The following KPNA5 variants were observed in gnomAD, a reference collection of about 807,000 sequenced individuals.
KPNA5 encodes importin subunit alpha-6.
KPNA5 carries 46 observed loss-of-function variants against 71.3 expected under a neutral mutation model. The ratio of observed to expected loss-of-function variants is 0.65; its 90% CI spans 0.51 to 0.83. The LOEUF (loss-of-function observed/expected upper bound fraction) is 0.83, where lower values mean the gene tolerates loss of function less well. KPNA5 is among the 40% of genes least tolerant of loss of function. The probability of loss-of-function intolerance (pLI) is 0.00; values close to 1 mark genes in which losing one functional copy is unlikely to be tolerated. For missense variants in KPNA5, 547 were observed against 628.3 expected, an observed-to-expected ratio of 0.87 and a Z score of 1.38; for synonymous variants, 207 against 201.4, an observed-to-expected ratio of 1.03 and a Z score of -0.24.
chr6:116,702,618 G>A (rs1240836222), intron 6 of KPNA5, among the ~76,000 whole-genome samples: 1 of 152,232 alleles, frequency 6.6e-6, no homozygotes, highest in Middle Eastern at 3.4e-3. Flanking sequence ...GCAGAGAGCC[G>A]AGATCATGCC....
chr6:116,686,095 G>T (rs1358260093), intron 1 of KPNA5, among the ~76,000 whole-genome samples: 1 of 151,934 alleles, frequency 6.6e-6, no homozygotes, highest in Non-Finnish European at 1.5e-5. Flanking sequence ...TGTTGAGACA[G>T]GGTCTCATTG....
In KPNA5 at chr6:116,694,582, G is replaced by T. The variant is rs369969122; in HGVS notation, c.340+2190G>T. Among the ~76,000 whole-genome samples, 33 of 152,242 alleles carry T rather than the reference G, an allele frequency of 2.2e-4. No individual in the cohort carries two copies. In the East Asian group the frequency reaches 6.4e-3, roughly 29 times the overall value. On this transcript the variant is annotated intron_variant, in intron 4 of 13. Coordinates refer to ENST00000368564, the MANE Select transcript of KPNA5 (RefSeq NM_001366306.2). The stretch of plus-strand genomic sequence containing the variant: ...AGAATGCTTGTGATTTTTGCACATT[G>T]ATTTTGTATCCTGAGAGTTTGCTGA...
intron 8 of KPNA5, among the ~76,000 whole-genome samples, chr6:116,721,231 A>C (rs888730835): frequency 2.0e-5 from 3 of 152,232 alleles, no homozygotes; most frequent in African/African-American, 7.2e-5. Flanking sequence ...ATAGGGGTAA[A>C]GAGAAAAGTC....
At position 116,692,103 on chromosome 6, in the gene KPNA5, C is replaced by T; in HGVS notation, c.187C>T (p.Leu63Phe). The change falls in exon 3 of 14, where the codon CTT (leucine) becomes TTT (phenylalanine). Residue 63 changes from leucine to phenylalanine, a missense_variant. By Grantham distance (22) the Leu-to-Phe change is conservative (BLOSUM62 0). Coordinates refer to ENST00000368564, the MANE Select transcript of KPNA5 (RefSeq NM_001366306.2). ...TTTGCCCAGAAATGATGAATCTATGCTTGAAAGTCCTATACAGGATCCAGA... is the reference window on the plus strand; with the variant it reads ...TTTGCCCAGAAATGATGAATCTATGTTTGAAAGTCCTATACAGGATCCAGA... Reference protein sequence around the residue: ...VYLPRNDESMLESPIQDPDIS... With the variant: ...VYLPRNDESMFESPIQDPDIS... 6.2e-7 allele frequency: 1 copy of T among 1,612,978 alleles called. No homozygotes were observed. The highest frequency in any genetic ancestry group is 1.1e-5 in the South Asian group (1 of 91,012).
intron 2 of KPNA5, among the ~76,000 whole-genome samples, chr6:116,691,003 C>T (rs949548639): frequency 6.6e-6 from 1 of 152,086 alleles, no homozygotes; most frequent in Non-Finnish European, 1.5e-5. Flanking sequence ...CCTAGGTGGG[C>T]GGGTCACCTG....
intron 6 of KPNA5, among the ~76,000 whole-genome samples, chr6:116,704,020 C>T (rs1778337946): frequency 6.6e-6 from 1 of 151,828 alleles, no homozygotes; most frequent in African/African-American, 2.4e-5. Flanking sequence ...CAGCATGTTA[C>T]TGTACTAAAT....
intron 1 of KPNA5, among the ~76,000 whole-genome samples, chr6:116,687,704 C>A (rs1476262258): frequency 6.6e-6 from 1 of 152,138 alleles, no homozygotes; most frequent in Non-Finnish European, 1.5e-5. Flanking sequence ...GAGTCATCCT[C>A]AACTCCCTTT....
rs1011098846 is a variant in KPNA5 at position 116,739,918 on chromosome 6, A to G, written c.*7595A>G. 13 of 152,066 alleles carry G rather than the reference A, an allele frequency of 8.5e-5. No homozygotes were observed. The highest frequency in any genetic ancestry group is 2.9e-4 in the African/African-American group (12 of 41,400). The allele number at this position is 152,066 out of a possible 1,614,324, so 9.4% of individuals were successfully genotyped here. ...CCTAGAAGAAAACCTAGGCATTACC[A>G]TTCAGGACATAGGGATGGGCAAGGA... is the stretch of plus-strand genomic sequence containing the variant. On this transcript the variant is annotated 3_prime_UTR_variant, in exon 14 of 14. Coordinates refer to ENST00000368564, the MANE Select transcript of KPNA5 (RefSeq NM_001366306.2).
At chr6:116,709,653 G>A (rs1484078015) in intron 7 of KPNA5, among the ~76,000 whole-genome samples, 1 of 152,122 alleles carries the variant, frequency 6.6e-6, no homozygotes, top group Admixed American at 6.5e-5. Flanking sequence ...AAAAATGAGT[G>A]TCTTTGTCTT....
At chr6:116,682,515 G>T (rs1285695594) in intron 1 of KPNA5, among the ~76,000 whole-genome samples, 1 of 152,136 alleles carries the variant, frequency 6.6e-6, no homozygotes, top group African/African-American at 2.4e-5. Context: ...CCTAAGTACT[G>T]CTTGTTTGGT....
chr6:116,709,422 T>A (rs1398564120), intron 7 of KPNA5, among the ~76,000 whole-genome samples: 1 of 152,152 alleles, frequency 6.6e-6, no homozygotes, highest in African/African-American at 2.4e-5. Context: ...GGTCTTGAAG[T>A]CGAATTTGAG....
chr6:116,698,658 T>G (rs1778116438), intron 4 of KPNA5, 46 bp from the exon 5 acceptor site: 9 of 1,166,444 alleles, frequency 7.7e-6, no homozygotes. Flanking sequence ...CTAGATTGTT[T>G]TCTTTTTGTG....
chr6:116,699,510 G>A (rs1243815138), intron 5 of KPNA5, among the ~76,000 whole-genome samples: 1 of 152,130 alleles, frequency 6.6e-6, no homozygotes, highest in Admixed American at 6.6e-5. Context: ...TACTTGTTAC[G>A]TGTTGAATTT....
rs764218488 is a variant in KPNA5 at position 116,702,157 on chromosome 6, C to CTCTAA, written c.567+9_567+13dup. On this transcript the variant is annotated splice_region_variant and intron_variant, in intron 6 of 13. Transcript: ENST00000368564. Reference sequence around the variant, plus strand: ...TGAAGATGTTCAGGAACAGGTACGTCTCTAATTTGTATTGTTGTATGTACT... The same window carrying CTCTAA: ...TGAAGATGTTCAGGAACAGGTACGTCTCTAATCTAATTTGTATTGTTGTATGTACT... The CTCTAA allele has an allele frequency of 4.3e-5, 70 of 1,611,256 alleles. No individual in the cohort carries two copies. In the African/African-American group the frequency reaches 8.6e-4, roughly 20 times the overall value.
At chr6:116,722,371 C>G in intron 9 of KPNA5, 82 bp downstream of exon 9, 1 of 1,081,788 alleles carries the variant, frequency 9.2e-7, no homozygotes, top group Non-Finnish European at 1.3e-6. Flanking sequence ...GTAAATATCT[C>G]AAGAGTCACT....
intron 9 of KPNA5, among the ~76,000 whole-genome samples, chr6:116,723,041 T>C (rs1779171475): frequency 6.6e-6 from 1 of 152,090 alleles, no homozygotes; most frequent in South Asian, 2.1e-4. Context: ...GGGCCCCAAC[T>C]TGATAATGAC....
At chr6:116,719,007 C>T (rs951129106) in intron 8 of KPNA5, among the ~76,000 whole-genome samples, 12 of 152,070 alleles carry the variant, frequency 7.9e-5, no homozygotes, top group Non-Finnish European at 1.5e-4. Context: ...GCTCAAGCTC[C>T]CGACCTCAGG....
At chr6:116,728,911 G>A (rs934425455) in intron 12 of KPNA5, among the ~76,000 whole-genome samples, 1 of 151,944 alleles carries the variant, frequency 6.6e-6, no homozygotes, top group Non-Finnish European at 1.5e-5. Context: ...TTACATTATA[G>A]AGTACAGAAA....
At chr6:116,720,719 C>T (rs1779073265) in intron 8 of KPNA5, among the ~76,000 whole-genome samples, 1 of 152,082 alleles carries the variant, frequency 6.6e-6, no homozygotes, top group South Asian at 2.1e-4. Flanking sequence ...TGGCTCACAC[C>T]TATGATCCCA....
Sources: allele counts gnomAD v4.1 joint callset (sites outside exome capture counted in the v4.1 genomes callset), GRCh38; gene constraint gnomAD v4.1.1; transcripts MANE v1.5; gene names NCBI Gene and HGNC (gene_info 2026-07-23, HGNC 2026-07-21).